Variants in FCMR observed in about 807,000 individuals in gnomAD.
FCMR encodes immunoglobulin mu Fc receptor.
Under a neutral mutation model 41.6 loss-of-function variants are expected in FCMR, and 34 were observed. The observed-to-expected ratio is 0.82, with a 90% CI of 0.62 to 1.09. The LOEUF is 1.09. FCMR is among the 50% of genes least tolerant of loss of function. The probability of loss-of-function intolerance (pLI) is 0.00; values close to 1 mark genes in which losing one functional copy is unlikely to be tolerated. For missense variants in FCMR, 496 were observed against 512.5 expected (o/e 0.97, Z 0.31); for synonymous variants, 209 against 211.8 (o/e 0.99, Z 0.12).
At chr1:206,916,198 G>T (rs900356706) in intron 1 of FCMR, among the ~76,000 whole-genome samples, 1 of 152,190 alleles carries the variant, frequency 6.6e-6, no homozygotes, top group African/African-American at 2.4e-5. Flanking sequence ...ACTAGACATT[G>T]CAATGGAAAG....
intron 1 of FCMR, among the ~76,000 whole-genome samples, chr1:206,920,574 C>T (rs1177537702): frequency 6.6e-6 from 1 of 151,704 alleles, no homozygotes; most frequent in African/African-American, 2.4e-5. Flanking sequence ...TCCTGTTGGC[C>T]GAAGGTTAGG....
At chr1:206,922,511 C>G (rs3762348), upstream of FCMR, among the ~76,000 whole-genome samples, 129 of 152,354 alleles carry the variant, frequency 8.5e-4, 1 homozygote, top group East Asian at 0.025. Flanking sequence ...TAGATGATCC[C>G]TGCCATTCCC....
chr1:206,921,754 T>G, intron 1 of FCMR, 64 bp downstream of exon 1: 1 of 1,448,870 alleles, frequency 6.9e-7, no homozygotes, highest in South Asian at 1.1e-5. Context: ...ACCAGGCAAT[T>G]ATTCTACTTG....
chr1:206,920,633 G>A (rs1342671364), intron 1 of FCMR, among the ~76,000 whole-genome samples: 1 of 152,110 alleles, frequency 6.6e-6, no homozygotes, highest in Non-Finnish European at 1.5e-5. Flanking sequence ...GGGATACAGG[G>A]AGGAGTGTAT....
intron 2 of FCMR, 27 bp from the exon 3 acceptor site, chr1:206,913,069 G>A (rs1679014294): frequency 3.9e-6 from 6 of 1,557,424 alleles, no homozygotes; most frequent in Admixed American, 1.7e-5. Context: ...GAATATGTTG[G>A]TGGTCTCTAG....
chr1:206,922,574 C>A (rs1258635814), upstream of FCMR, among the ~76,000 whole-genome samples: 1 of 152,240 alleles, frequency 6.6e-6, no homozygotes, highest in East Asian at 1.9e-4. Flanking sequence ...GCACCTCAGC[C>A]AACCTTCACC....
intron 1 of FCMR, among the ~76,000 whole-genome samples, chr1:206,916,752 A>C (rs946002515): frequency 1.3e-5 from 2 of 152,256 alleles, no homozygotes; most frequent in Non-Finnish European, 2.9e-5. Context: ...AGACATCTAA[A>C]GTAGCACAGT....
intron 7 of FCMR, chr1:206,907,678 G>A: frequency 1.2e-6 from 1 of 808,462 alleles, no homozygotes; most frequent in Non-Finnish European, 2.2e-6. Context: ...GCCCCCTGGC[G>A]GCCATCGTGG....
intron 1 of FCMR, 98 bp downstream of exon 1, chr1:206,921,720 T>C (rs1235238118): frequency 8.4e-7 from 1 of 1,189,386 alleles, no homozygotes; most frequent in Non-Finnish European, 1.3e-6. Context: ...ACTGAATCCA[T>C]CCAGAAACAT....
Position 206,921,932 on chromosome 1 carries a change from T to C in FCMR, c.-78A>G, listed in dbSNP as rs984976444. 1.5e-6 allele frequency: 2 copies of C among 1,326,624 alleles called. No homozygotes were observed. Among genetic ancestry groups the C allele is most frequent in the African/African-American group, 1.5e-5 (1 of 68,944 alleles). 82.2% of individuals were successfully genotyped at this position (1,326,624 alleles called of 1,614,324 possible). ...AGACACGCTGCTTACTCAGGAACCC[T>C]TCACAATCTGGAACTGGAAAGAGAT... On this transcript the variant is annotated 5_prime_UTR_variant, in exon 1 of 8. Coordinates refer to ENST00000367091, the MANE Select transcript of FCMR (RefSeq NM_005449.5).
intron 7 of FCMR, among the ~76,000 whole-genome samples, chr1:206,905,415 G>A (rs192299444): frequency 6.6e-6 from 1 of 152,306 alleles, no homozygotes; most frequent in African/African-American, 2.4e-5. Context: ...GCATGGGCCT[G>A]AAAGAGACCC....
chr1:206,908,120 A>G (rs1678760949), intron 7 of FCMR: 3 of 1,244,122 alleles, frequency 2.4e-6, no homozygotes, highest in South Asian at 2.5e-5. Flanking sequence ...AAGTTCCACT[A>G]CAGGAAGAAG....
rs1373934644 is a variant in FCMR, at chr1:206,913,978, T to A, written c.154A>T (p.Met52Leu). The change falls in exon 2 of 8, where the codon ATG (methionine) becomes TTG (leucine). Residue 52 changes from methionine to leucine, a missense_variant. Met to Leu is a conservative substitution (Grantham distance 15). Transcript: ENST00000367091. ...GTACCACATGTTCCAGATCCAGCCA[T>A]CTCCCGGCACAGATATATCCTCACA... Reference protein sequence around the residue: ...MHVRIYLCREMAGSGTCGTVV... With the variant: ...MHVRIYLCRELAGSGTCGTVV... The A allele has an allele frequency of 6.2e-7, 1 of 1,614,060 alleles. No individual in the cohort carries two copies. Among genetic ancestry groups the A allele is most frequent in the Non-Finnish European group, 8.5e-7 (1 of 1,180,036 alleles).
Position 206,904,755 on chromosome 1 carries a change from G to C in FCMR, c.*264C>G. The C allele has an allele frequency of 2.2e-6, 1 of 449,588 alleles. No homozygotes were observed. The highest frequency in any genetic ancestry group is 2.4e-5 in the South Asian group (1 of 41,946). The allele number at this position is 449,588 out of a possible 1,614,324, so 27.8% of individuals were successfully genotyped here. A position where few individuals can be genotyped will look rare whatever the true frequency, so the allele number is the denominator to read the frequency against. ...ATCCCACAGTCTGTTCGACGGCTTG[G>C]AAAGGAAGCAAGTGGCATTGGGACA... On this transcript the variant is annotated 3_prime_UTR_variant, in exon 8 of 8. Coordinates refer to ENST00000367091, the MANE Select transcript of FCMR (RefSeq NM_005449.5).
chr1:206,905,162 A>G lies in FCMR; in HGVS notation c.1045-15T>C. The G allele has an allele frequency of 6.2e-7, 1 of 1,613,964 alleles. No individual in the cohort carries two copies. Among genetic ancestry groups the G allele is most frequent in the Non-Finnish European group, 8.5e-7 (1 of 1,179,916 alleles). ...GATTCAGACACCTGGGGACAATGAA[A>G]GAAGCATCACTGGATCTGGGTAGGG... is the stretch of plus-strand genomic sequence containing the variant. On this transcript the variant is annotated splice_polypyrimidine_tract_variant and intron_variant, in intron 7 of 7. Transcript: ENST00000367091.
intron 1 of FCMR, among the ~76,000 whole-genome samples, chr1:206,919,214 A>G (rs1269662941): frequency 6.6e-6 from 1 of 152,146 alleles, no homozygotes; most frequent in Non-Finnish European, 1.5e-5. Context: ...GCCAGGGGTC[A>G]ATCTCAAGAG....
intron 7 of FCMR, among the ~76,000 whole-genome samples, chr1:206,906,719 A>G (rs560642826): frequency 6.6e-6 from 1 of 152,100 alleles, no homozygotes; most frequent in East Asian, 2.0e-4. Context: ...AGTTTCAAGT[A>G]GAGAGGCAGG....
intron 1 of FCMR, among the ~76,000 whole-genome samples, chr1:206,916,738 G>A (rs896799394): frequency 2.0e-5 from 3 of 152,234 alleles, no homozygotes; most frequent in Non-Finnish European, 4.4e-5. Context: ...TAAGCTACTG[G>A]TTTAGACATC....
In FCMR at chr1:206,904,796, T is replaced by C; in HGVS notation, c.*223A>G. 1.8e-6 allele frequency: 1 copy of C among 550,498 alleles called. No homozygotes were observed. The highest frequency in any genetic ancestry group is 3.3e-6 in the Non-Finnish European group (1 of 304,318). 34.1% of individuals were successfully genotyped at this position (550,498 alleles called of 1,614,324 possible). A position where few individuals can be genotyped will look rare whatever the true frequency, so the allele number is the denominator to read the frequency against. ...CATTGGGACAATTGCTCTACATGCC[T>C]ACAGCTTACCTGTCAACTACAGGGG... On this transcript the variant is annotated 3_prime_UTR_variant, in exon 8 of 8. Coordinates refer to ENST00000367091, the MANE Select transcript of FCMR (RefSeq NM_005449.5).
Sources: gnomAD v4.1 joint callset for allele counts (sites outside exome capture counted in the v4.1 genomes callset) on GRCh38, gnomAD v4.1.1 for gene constraint, MANE v1.5 for transcripts, NCBI Gene and HGNC (gene_info 2026-07-23, HGNC 2026-07-21) for gene names.